Variants in MAJIN observed in about 807,000 individuals in gnomAD.
MAJIN encodes the protein membrane-anchored junction protein.
MAJIN carries 27 observed loss-of-function variants against 30.2 expected under a neutral mutation model. The ratio of observed to expected loss-of-function variants is 0.89; its 90% CI spans 0.66 to 1.23. The LOEUF is 1.23. Among genes scored for constraint, MAJIN ranks in the 50% most tolerant of loss-of-function variants. The pLI, the probability that MAJIN is intolerant of heterozygous loss-of-function variation, is 0.00. For missense variants in MAJIN, 253 were observed against 260.3 expected (o/e 0.97, Z 0.19); for synonymous variants, 78 against 91.6 (o/e 0.85, Z 0.85).
chr11:64,968,735 G>A (rs1479230804), intron 1 of MAJIN, among the ~76,000 whole-genome samples: 1 of 151,922 alleles, frequency 6.6e-6, no homozygotes, highest in East Asian at 2.0e-4. Flanking sequence ...AGGAGGCTGA[G>A]GTGGGAGAAT....
rs763220707 is a variant in MAJIN, at chr11:64,940,625, G to C, written c.495C>G (p.Asn165Lys). 12 of 1,614,014 alleles carry C rather than the reference G, an allele frequency of 7.4e-6. No individual in the cohort carries two copies. Among genetic ancestry groups the C allele is most frequent in the Non-Finnish European group, 1.0e-5 (12 of 1,179,978 alleles). The part of the protein sequence containing the change: ...GLDRIGKEKP[N>K]KDCRRLWPLI... ...GAGGCCAGAGTCTCCTGCAATCCTT[G>C]TTGGGTTTTTCTTTCCCTATTCTGT... The change falls in exon 9 of 11, where the codon AAC (asparagine) becomes AAG (lysine). Residue 165 changes from asparagine (N) to lysine (K), a missense_variant. Transcript: ENST00000301896.
chr11:64,948,602 C>CATATATATTCATATATAT (rs1554970964), intron 6 of MAJIN, among the ~76,000 whole-genome samples: 1 of 19,420 alleles, frequency 5.1e-5, no homozygotes, highest in African/African-American at 2.3e-4. Flanking sequence ...CGGGCTACAT[C>CATATATATTCATATATAT]ATATATATAT....
intron 4 of MAJIN, chr11:64,953,968 T>G (rs556079340): frequency 2.0e-5 from 3 of 153,010 alleles, no homozygotes; most frequent in African/African-American, 7.2e-5. Context: ...TCACAGAGTT[T>G]TGTGTTTAAG....
chr11:64,966,337 C>A (rs559597235), intron 1 of MAJIN, among the ~76,000 whole-genome samples: 2 of 151,746 alleles, frequency 1.3e-5, no homozygotes, highest in East Asian at 2.0e-4. Context: ...GAGTTCAAGA[C>A]CAGCCTGGCC....
At chr11:64,952,690 G>A (rs1464249885) in intron 4 of MAJIN, among the ~76,000 whole-genome samples, 1 of 152,010 alleles carries the variant, frequency 6.6e-6, no homozygotes, top group African/African-American at 2.4e-5. Context: ...AGGCTAGCCT[G>A]CTTCTCAGTA....
chr11:64,946,070 G>A, intron 8 of MAJIN: 3 of 1,525,768 alleles, frequency 2.0e-6, no homozygotes, highest in Non-Finnish European at 2.6e-6. Flanking sequence ...TTAGTACTAA[G>A]GCTCCATTTT....
At chr11:64,943,981 G>A (rs1320733589) in intron 8 of MAJIN, among the ~76,000 whole-genome samples, 1 of 152,146 alleles carries the variant, frequency 6.6e-6, no homozygotes, top group Non-Finnish European at 1.5e-5. Flanking sequence ...GCACAACTGG[G>A]GCCCTGGACT....
chr11:64,939,655 G>C lies in MAJIN; in HGVS notation c.*1+7C>G, dbSNP rs1945343486. 2 of 1,612,168 alleles carry C rather than the reference G, an allele frequency of 1.2e-6. No individual in the cohort carries two copies. Among genetic ancestry groups the C allele is most frequent in the Non-Finnish European group, 1.7e-6 (2 of 1,178,422 alleles). On this transcript the variant is annotated splice_region_variant and intron_variant, in intron 10 of 10. Coordinates refer to ENST00000301896, the MANE Select transcript of MAJIN (RefSeq NM_001037225.3). ...TCGAGTCTGATGCCGGACAGAAGCTGTCTTACCTTAGAAACCCAAAGAAGC... is the reference window on the plus strand; with the variant it reads ...TCGAGTCTGATGCCGGACAGAAGCTCTCTTACCTTAGAAACCCAAAGAAGC...
rs1185820287 is a variant in MAJIN, at chr11:64,954,792, T to C, written c.112A>G (p.Ile38Val). Residue 38 changes from isoleucine to valine, a missense_variant, in exon 4 of 11, where the codon ATA becomes GTA. Coordinates refer to ENST00000301896, the MANE Select transcript of MAJIN (RefSeq NM_001037225.3). ...RYGKSIRGEE[I>V]ENKEVITQEL... is the part of the protein sequence containing the mutation. ...TGGGTGATGACTTCCTTATTTTCTA[T>C]CTCTTCTCCTCTAGAAGGTAAACAG... 2 of 1,611,874 alleles carry C rather than the reference T, an allele frequency of 1.2e-6. No homozygotes were observed. The highest frequency in any genetic ancestry group is 1.7e-6 in the Non-Finnish European group (2 of 1,179,120).
At chr11:64,960,373 A>G (rs1202681591) in intron 1 of MAJIN, among the ~76,000 whole-genome samples, 1 of 152,160 alleles carries the variant, frequency 6.6e-6, no homozygotes, top group Non-Finnish European at 1.5e-5. Flanking sequence ...TACTTACACA[A>G]TAACAACTCT....
chr11:64,948,635 A>C, intron 6 of MAJIN, among the ~76,000 whole-genome samples: 1 of 37,124 alleles, frequency 2.7e-5, no homozygotes, highest in Non-Finnish European at 3.8e-5. Context: ...ATATATATAT[A>C]TATATTTTTT....
chr11:64,960,860 T>C (rs1245535284), intron 1 of MAJIN, among the ~76,000 whole-genome samples: 1 of 152,208 alleles, frequency 6.6e-6, no homozygotes, highest in African/African-American at 2.4e-5. Context: ...CAGTATCTGA[T>C]CTTGGCTGCC....
chr11:64,969,696 CT>C (rs112203085), intron 1 of MAJIN, among the ~76,000 whole-genome samples: 120 of 145,070 alleles, frequency 8.3e-4, no homozygotes, highest in Middle Eastern at 3.7e-3. Context: ...AAGACTCTGT[CT>C]TTTTTTTTTT....
intron 1 of MAJIN, among the ~76,000 whole-genome samples, chr11:64,963,780 G>A (rs976340255): frequency 2.5e-4 from 38 of 152,126 alleles, no homozygotes; most frequent in African/African-American, 9.2e-4. Flanking sequence ...TGGAGGCTGC[G>A]ATGAACCAAG....
intron 3 of MAJIN, among the ~76,000 whole-genome samples, chr11:64,958,187 C>CG (rs1477708662): frequency 6.6e-6 from 1 of 150,706 alleles, no homozygotes; most frequent in African/African-American, 2.5e-5. Context: ...ATGATTCACC[C>CG]CCCCGCCCCA....
chr11:64,939,737 C>T lies in MAJIN; in HGVS notation c.577G>A (p.Glu193Lys), dbSNP rs1171595125. ...ILSGDTACQG[E>K]LSHPCSTTHL... ...GTTGTGCTGCAGGGGTGGGACAATTCGCCCTGGCAGGCTGTGTCCCCACTC... is the reference window on the plus strand; with the variant it reads ...GTTGTGCTGCAGGGGTGGGACAATTTGCCCTGGCAGGCTGTGTCCCCACTC... Residue 193 changes from glutamate to lysine, a missense_variant, in exon 10 of 11, where the codon GAA becomes AAA. By Grantham distance (56) the Glu-to-Lys change is moderately conservative. Transcript: ENST00000301896. 8 of 1,613,976 alleles carry T rather than the reference C, an allele frequency of 5.0e-6. No individual in the cohort carries two copies. Among genetic ancestry groups the T allele is most frequent in the Admixed American group, 1.7e-5 (1 of 60,000 alleles).
chr11:64,957,600 C>G (rs1945656384), intron 3 of MAJIN, among the ~76,000 whole-genome samples: 1 of 151,976 alleles, frequency 6.6e-6, no homozygotes, highest in Non-Finnish European at 1.5e-5. Flanking sequence ...GACAGGGTTT[C>G]ACCATGTTGA....
chr11:64,962,108 A>G (rs1945736430), intron 1 of MAJIN, among the ~76,000 whole-genome samples: 1 of 152,176 alleles, frequency 6.6e-6, no homozygotes, highest in African/African-American at 2.4e-5. Flanking sequence ...CTAGGATGCA[A>G]TAACTTGCCT....
At chr11:64,954,696 C>G (rs762263050) in intron 4 of MAJIN, 61 bp downstream of exon 4, 1 of 1,528,538 alleles carries the variant, frequency 6.5e-7, no homozygotes, top group African/African-American at 1.4e-5. Flanking sequence ...TAATTAAAAC[C>G]TGAATGTGGA....
Sources: allele counts gnomAD v4.1 joint callset (sites outside exome capture counted in the v4.1 genomes callset), GRCh38; gene constraint gnomAD v4.1.1; transcripts MANE v1.5; gene names NCBI Gene and HGNC (gene_info 2026-07-23, HGNC 2026-07-21).